Variants in SLX4 observed in about 807,000 individuals in gnomAD.
The protein encoded by SLX4 is structure-specific endonuclease subunit SLX4.
SLX4 carries 112 observed loss-of-function variants against 146.2 expected under a neutral mutation model. The ratio of observed to expected loss-of-function variants is 0.77; its 90% CI spans 0.66 to 0.90. SLX4 has a LOEUF of 0.90. Among genes scored for constraint, SLX4 ranks in the 40% least tolerant of loss-of-function variants. The pLI is 0.00. For missense variants in SLX4, 2,563 were observed against 2,392.7 expected (o/e 1.07, Z -1.49); for synonymous variants, 1,061 against 997.7 (o/e 1.06, Z -1.20).
chr16:3,601,392 G>C (rs754308016), intron 4 of SLX4: 4 of 612,580 alleles, frequency 6.5e-6, no homozygotes, highest in Admixed American at 2.7e-5. Context: ...GTTGGCTAAA[G>C]AAAGCAAGGA....
intron 4 of SLX4, chr16:3,601,896 T>G: frequency 1.8e-6 from 1 of 545,484 alleles, no homozygotes. Context: ...GTTGCCCAAC[T>G]GTGTGAATAT....
At chr16:3,598,071 C>G in intron 5 of SLX4, 72 bp from the exon 6 acceptor site, 1 of 1,564,328 alleles carries the variant, frequency 6.4e-7, no homozygotes, top group East Asian at 2.2e-5. Flanking sequence ...TCACACTGGT[C>G]TGGAGAGGGC....
chr16:3,595,528 C>G, intron 9 of SLX4, 77 bp downstream of exon 9: 1 of 1,518,834 alleles, frequency 6.6e-7, no homozygotes, highest in Non-Finnish European at 9.1e-7. Context: ...CAGAGGCCAG[C>G]GGTGAGCCAA....
chr16:3,609,039 C>G lies in SLX4; in HGVS notation c.-75G>C, dbSNP rs182545721. 2.5e-5 allele frequency: 37 copies of G among 1,508,062 alleles called. No individual in the cohort carries two copies. The highest frequency in any genetic ancestry group is 3.3e-5 in the Non-Finnish European group (37 of 1,110,736). The allele number at this position is 1,508,062 out of a possible 1,614,324, so 93.4% of individuals were successfully genotyped here. On this transcript the variant is annotated 5_prime_UTR_variant, in exon 2 of 15. Coordinates refer to ENST00000294008, the MANE Select transcript of SLX4 (RefSeq NM_032444.4). ...TGAACAAAAAGTACTGTTTTCCTCT[C>G]TATAATGATTGAAGTATCTTTGTTC...
rs183553224 is a variant in SLX4 at position 3,585,139 on chromosome 16, G to A, written c.4637-268C>T. 1.6e-3 allele frequency among the ~76,000 whole-genome samples: 250 copies of A among 152,206 alleles called. 4 individuals are homozygous for A. The highest frequency in any genetic ancestry group is 5.7e-3 in the African/African-American group (238 of 41,516). On this transcript the variant is annotated intron_variant, in intron 12 of 14. Coordinates refer to ENST00000294008, the MANE Select transcript of SLX4 (RefSeq NM_032444.4). The stretch of plus-strand genomic sequence containing the variant: ...TGGGGCCACTGAACCCAACAGCCCG[G>A]CACGTGACTAAAACTTATGCATGTA...
In SLX4 at chr16:3,589,935, G is replaced by T. The variant is rs1421765571; in HGVS notation, c.3703C>A (p.Pro1235Thr). The T allele has an allele frequency of 6.2e-7, 1 of 1,613,924 alleles. No individual in the cohort carries two copies. Among genetic ancestry groups the T allele is most frequent in the African/African-American group, 1.3e-5 (1 of 75,006 alleles). ...CTCTCACGGTCACAGAACAGCCAGG[G>T]AGCCCCTCTCCTGCCCAAAGAGCCC... ...NRGSLGRRGA[P>T]WLFCDRESSP... is the part of the protein sequence containing the mutation. The change falls in exon 12 of 15, where the codon CCC (proline) becomes ACC (threonine). Residue 1235 changes from proline to threonine, a missense_variant. Physicochemically the swap from Pro to Thr is conservative, Grantham distance 38. Coordinates refer to ENST00000294008, the MANE Select transcript of SLX4 (RefSeq NM_032444.4). This position sits in a 1 kb window ranked among gnomAD's most constrained non-coding sequence, Gnocchi z 6.2.
At chr16:3,594,703 G>C (rs2040631771) in intron 9 of SLX4, 104 bp from the exon 10 acceptor site, 1 of 1,476,690 alleles carries the variant, frequency 6.8e-7, no homozygotes, top group Non-Finnish European at 9.3e-7. Flanking sequence ...TGGGCCGGGA[G>C]CCAGGACCTG....
At chr16:3,588,002 G>C (rs1596518887) in intron 12 of SLX4, among the ~76,000 whole-genome samples, 1 of 152,280 alleles carries the variant, frequency 6.6e-6, no homozygotes, top group East Asian at 1.9e-4. Flanking sequence ...TGAGCAGGGA[G>C]GTGGCATCCC....
chr16:3,594,614 G>C lies in SLX4; in HGVS notation c.2014-15C>G, dbSNP rs367967946. The C allele has an allele frequency of 1.9e-6, 3 of 1,613,852 alleles. No homozygotes were observed. The highest frequency in any genetic ancestry group is 2.5e-6 in the Non-Finnish European group (3 of 1,179,978). On this transcript the variant is annotated splice_polypyrimidine_tract_variant and intron_variant, in intron 9 of 14. Transcript: ENST00000294008. Reference sequence around the variant, plus strand: ...CCGAGGGAGAGCTGAAGCAGGAGGAGAGGAAGAGCCGTCACCTCCCCACCT... The same window carrying C: ...CCGAGGGAGAGCTGAAGCAGGAGGACAGGAAGAGCCGTCACCTCCCCACCT...
Position 3,583,204 on chromosome 16 carries a change from G to A in SLX4, c.5046C>T (p.Pro1682=), listed in dbSNP as rs2040462416. ...TGAGGCCTGGAGGTGCCTCCTTGGTGGGCGACCTGCTTGGGGGTGTGATGC... is the reference window on the plus strand; with the variant it reads ...TGAGGCCTGGAGGTGCCTCCTTGGTAGGCGACCTGCTTGGGGGTGTGATGC... ...HESITPPSRS[P]TKEAPPGLND... is the part of the protein sequence containing the mutation. The change falls in exon 14 of 15, where the codon CCC becomes CCT. Residue 1682 remains proline, a synonymous_variant. Transcript: ENST00000294008. 6.2e-7 allele frequency: 1 copy of A among 1,614,098 alleles called. No individual in the cohort carries two copies. Among genetic ancestry groups the A allele is most frequent in the Non-Finnish European group, 8.5e-7 (1 of 1,180,032 alleles).
chr16:3,585,959 C>T (rs930815311), intron 12 of SLX4, among the ~76,000 whole-genome samples: 49 of 151,790 alleles, frequency 3.2e-4, no homozygotes, highest in Non-Finnish European at 5.6e-4. Context: ...GCCATGAACA[C>T]GCCACTGCAC....
At chr16:3,594,323 TG>T (rs369588132) in intron 10 of SLX4, 129 bp downstream of exon 10, 1 of 1,286,080 alleles carries the variant, frequency 7.8e-7, no homozygotes, top group South Asian at 1.3e-5. Flanking sequence ...GAGAACATGG[TG>T]GGGCAGGAAG....
Position 3,597,977 on chromosome 16 carries a change from G to C in SLX4, c.1186C>G (p.Leu396Val), listed in dbSNP as rs1596528058. ...TTGCTGGTGGGTCCTCTCCGTTTCA[G>C]ACCTCTACTGTGATCACTGAAGCTA... is the stretch of plus-strand genomic sequence containing the variant. ...MFSFSDHSRG[L>V]KRRGPTSKKE... is the part of the protein sequence containing the mutation. The change falls in exon 6 of 15, where the codon CTG becomes GTG. Residue 396 changes from leucine (L) to valine (V), a missense_variant. Coordinates refer to ENST00000294008, the MANE Select transcript of SLX4 (RefSeq NM_032444.4). The surrounding 1 kb of genome is among the most constrained non-coding windows in gnomAD (Gnocchi z 4.4). 6.2e-7 allele frequency: 1 copy of C among 1,614,160 alleles called. No homozygotes were observed. The highest frequency in any genetic ancestry group is 8.5e-7 in the Non-Finnish European group (1 of 1,180,034).
At chr16:3,585,493 G>A (rs896466373) in intron 12 of SLX4, among the ~76,000 whole-genome samples, 1 of 151,300 alleles carries the variant, frequency 6.6e-6, no homozygotes, top group African/African-American at 2.4e-5. Context: ...GGCTGAGGCA[G>A]GAGAATGGCG....
rs755915542 is a variant in SLX4, at chr16:3,608,975, C to T, written c.-11G>A. 1.4e-5 allele frequency: 23 copies of T among 1,611,086 alleles called. No individual in the cohort carries two copies. In the South Asian group the frequency reaches 1.4e-4, roughly 10 times the overall value. ...CACACTCAGTTTCATTAGGGTTCTTCTCTACTTCTCCATTAGATACTTGGA... is the reference window on the plus strand; with the variant it reads ...CACACTCAGTTTCATTAGGGTTCTTTTCTACTTCTCCATTAGATACTTGGA... On this transcript the variant is annotated 5_prime_UTR_variant, in exon 2 of 15. Coordinates refer to ENST00000294008, the MANE Select transcript of SLX4 (RefSeq NM_032444.4).
In SLX4 at chr16:3,590,604, T is replaced by G. The variant is rs2040575245; in HGVS notation, c.3034A>C (p.Arg1012=). Residue 1012 remains arginine (R), a synonymous_variant, in exon 12 of 15, where the codon AGG becomes CGG. Coordinates refer to ENST00000294008, the MANE Select transcript of SLX4 (RefSeq NM_032444.4). This position sits in a 1 kb window ranked among gnomAD's most constrained non-coding sequence, Gnocchi z 4.8. ...SEPEEQSGAV[R]ERGLEVSHRL... Reference sequence around the variant, plus strand: ...TGAGAAACCTCCAGCCCCCTTTCCCTGACAGCGCCACTTTGTTCCTCGGGC... The same window carrying G: ...TGAGAAACCTCCAGCCCCCTTTCCCGGACAGCGCCACTTTGTTCCTCGGGC... The G allele has an allele frequency of 1.9e-6, 3 of 1,613,708 alleles. No individual in the cohort carries two copies. Among genetic ancestry groups the G allele is most frequent in the Non-Finnish European group, 2.5e-6 (3 of 1,179,750 alleles).
intron 10 of SLX4, among the ~76,000 whole-genome samples, chr16:3,593,802 A>G (rs1008420196): frequency 4.6e-5 from 7 of 152,224 alleles, no homozygotes; most frequent in Admixed American, 4.6e-4. Context: ...GAGGAGATCA[A>G]TTATGAGCCT....
chr16:3,605,049 T>C (rs1250844546), intron 3 of SLX4, among the ~76,000 whole-genome samples: 1 of 150,994 alleles, frequency 6.6e-6, no homozygotes, highest in East Asian at 2.0e-4. Flanking sequence ...GCCTCCCGAG[T>C]AGCTGGGACT....
chr16:3,596,609 C>T (rs973984043), intron 7 of SLX4, among the ~76,000 whole-genome samples: 3 of 152,244 alleles, frequency 2.0e-5, no homozygotes, highest in East Asian at 1.9e-4. Flanking sequence ...TCCTCTGTCA[C>T]GGCCAAGGCC....
Sources: gnomAD v4.1 joint callset for allele counts (sites outside exome capture counted in the v4.1 genomes callset) on GRCh38, gnomAD v4.1.1 for gene constraint, Gnocchi (gnomAD v3.1) non-coding constraint, MANE v1.5 for transcripts, NCBI Gene and HGNC (gene_info 2026-07-23, HGNC 2026-07-21) for gene names.